The following SLC7A8 variants were observed in gnomAD, a reference collection of about 807,000 sequenced individuals.
SLC7A8 encodes the protein large neutral amino acids transporter small subunit 2.
A neutral mutation model predicts 51.2 loss-of-function variants in SLC7A8; 30 were observed. The ratio of observed to expected loss-of-function variants is 0.59; its 90% CI spans 0.44 to 0.80. SLC7A8 has a LOEUF of 0.80. SLC7A8 is among the 30% of genes least tolerant of loss of function. The pLI is 0.00. For synonymous variants in SLC7A8, 257 were observed against 275.8 expected (o/e 0.93, Z 0.67); for missense variants, 612 against 674.4 (o/e 0.91, Z 1.03).
In SLC7A8 at chr14:23,129,775, C is replaced by T. The variant is rs1197619215; in HGVS notation, c.1138G>A (p.Val380Ile). ...ATGAGTGTGTACATGTCGCTGGTGA[C>T]CAGCATCAGCAGGGTGGAGATGCAC... is the stretch of plus-strand genomic sequence containing the variant. Reference protein sequence around the residue: ...FTCISTLLMLVTSDMYTLINY... With the variant: ...FTCISTLLMLITSDMYTLINY... Residue 380 changes from valine to isoleucine, a missense_variant, in exon 9 of 11, where the codon GTC (valine) becomes ATC (isoleucine). Physicochemically the swap from Val to Ile is conservative, Grantham distance 29 (BLOSUM62 3). Transcript: ENST00000316902. The T allele has an allele frequency of 1.2e-6, 2 of 1,613,976 alleles. No homozygotes were observed. Among genetic ancestry groups the T allele is most frequent in the African/African-American group, 2.7e-5 (2 of 74,896 alleles).
At chr14:23,134,639 C>G (rs1423108949) in intron 7 of SLC7A8, among the ~76,000 whole-genome samples, 1 of 151,886 alleles carries the variant, frequency 6.6e-6, no homozygotes, top group African/African-American at 2.4e-5. Context: ...CTCACTGCAG[C>G]CTCCAATTCC....
intron 8 of SLC7A8, among the ~76,000 whole-genome samples, chr14:23,130,780 G>A (rs2048625348): frequency 6.6e-6 from 1 of 152,026 alleles, no homozygotes; most frequent in Non-Finnish European, 1.5e-5. Context: ...CTTCACCAGT[G>A]GACCAAAGTC....
intron 3 of SLC7A8, among the ~76,000 whole-genome samples, chr14:23,163,966 C>CTT (rs3216637): frequency 7.0e-6 from 1 of 143,272 alleles, no homozygotes; most frequent in Non-Finnish European, 1.5e-5. Flanking sequence ...TTTTTAATTT[C>CTT]TTTTTTTTTT....
intron 6 of SLC7A8, among the ~76,000 whole-genome samples, chr14:23,138,643 G>A (rs1412279886): frequency 2.0e-5 from 3 of 152,182 alleles, no homozygotes; most frequent in Non-Finnish European, 4.4e-5. Flanking sequence ...TCCTTAGTCT[G>A]AGAAAGAAAA....
intron 3 of SLC7A8, among the ~76,000 whole-genome samples, chr14:23,157,558 T>C (rs2048900527): frequency 6.6e-6 from 1 of 152,206 alleles, no homozygotes; most frequent in African/African-American, 2.4e-5. Context: ...GCTTCTATTA[T>C]ATATTTCTTG....
chr14:23,132,845 A>G (rs1316343440), intron 7 of SLC7A8, among the ~76,000 whole-genome samples: 1 of 152,048 alleles, frequency 6.6e-6, no homozygotes, highest in Non-Finnish European at 1.5e-5. Context: ...CATGTTGGTC[A>G]GGCTGGTCTC....
chr14:23,183,334 C>T lies in SLC7A8; in HGVS notation c.-420G>A, dbSNP rs1179790760. ...CCCTTCACCTCTCCCCCTAATAAAA[C>T]AGGAGACTGCCTTTACCTCCCCTTA... is the stretch of plus-strand genomic sequence containing the variant. On this transcript the variant is annotated 5_prime_UTR_variant, in exon 1 of 11. Transcript: ENST00000316902. The T allele has an allele frequency of 1.3e-5, 2 of 157,694 alleles. No individual in the cohort carries two copies. The highest frequency in any genetic ancestry group is 4.8e-5 in the African/African-American group (2 of 41,622). The allele number at this position is 157,694 out of a possible 1,614,324, so 9.8% of individuals were successfully genotyped here. A position where few individuals can be genotyped will look rare whatever the true frequency, so the allele number is the denominator to read the frequency against.
chr14:23,137,772 C>T (rs188258588), intron 7 of SLC7A8, 149 bp downstream of exon 7: 102 of 928,266 alleles, frequency 1.1e-4, no homozygotes, highest in African/African-American at 3.2e-4. Flanking sequence ...CTGACACACA[C>T]GCCCTCATGT....
intron 10 of SLC7A8, 71 bp downstream of exon 10, chr14:23,127,948 C>T (rs181074488): frequency 1.4e-6 from 2 of 1,440,606 alleles, no homozygotes; most frequent in African/African-American, 2.8e-5. Flanking sequence ...GGTGGCTCCC[C>T]AACCCCATCA....
Position 23,128,452 on chromosome 14 carries a change from G to C in SLC7A8, c.1264-256C>G. The C allele has an allele frequency of 7.9e-7, 1 of 1,268,470 alleles. No homozygotes were observed. Among genetic ancestry groups the C allele is most frequent in the Non-Finnish European group, 1.1e-6 (1 of 925,888 alleles). 78.6% of individuals were successfully genotyped at this position (1,268,470 alleles called of 1,614,324 possible). ...GGAGGAAACGATCCTCCTTGCCCAT[G>C]TCCTCGCTCTTGGGTGTGGTTAGAC... On this transcript the variant is annotated intron_variant, in intron 9 of 10. Coordinates refer to ENST00000316902, the MANE Select transcript of SLC7A8 (RefSeq NM_012244.4). This position sits in a 1 kb window ranked among gnomAD's most constrained non-coding sequence, Gnocchi z 4.3.
chr14:23,131,369 CA>C (rs1368969080), intron 8 of SLC7A8, 91 bp downstream of exon 8: 2 of 1,053,982 alleles, frequency 1.9e-6, no homozygotes, highest in Admixed American at 5.2e-5. Flanking sequence ...GCAAGGGTAA[CA>C]GGGGTGTGTG....
At chr14:23,137,428 G>C (rs754781613) in intron 7 of SLC7A8, among the ~76,000 whole-genome samples, 4 of 152,192 alleles carry the variant, frequency 2.6e-5, no homozygotes, top group Non-Finnish European at 5.9e-5. Flanking sequence ...GGCAATCAGG[G>C]TGAAGCCATC....
At chr14:23,152,087 G>T (rs1402638347) in intron 3 of SLC7A8, among the ~76,000 whole-genome samples, 3 of 151,950 alleles carry the variant, frequency 2.0e-5, no homozygotes, top group East Asian at 1.9e-4. Context: ...GAAAAAAAAA[G>T]CTCACTAAGA....
rs1332428970 is a variant in SLC7A8 at position 23,126,058 on chromosome 14, G to A, written c.*1119C>T. The A allele has an allele frequency of 6.5e-6, 1 of 152,768 alleles. No homozygotes were observed. Among genetic ancestry groups the A allele is most frequent in the Non-Finnish European group, 1.5e-5 (1 of 68,142 alleles). The allele number at this position is 152,768 out of a possible 1,614,324, so 9.5% of individuals were successfully genotyped here. A position where few individuals can be genotyped will look rare whatever the true frequency, so the allele number is the denominator to read the frequency against. Reference sequence around the variant, plus strand: ...GCCAATGCTCTCCTCAGTCTCCCAGGGTATGGAATGGGCACCTCTAGGGAG... The same window carrying A: ...GCCAATGCTCTCCTCAGTCTCCCAGAGTATGGAATGGGCACCTCTAGGGAG... On this transcript the variant is annotated 3_prime_UTR_variant, in exon 11 of 11. Coordinates refer to ENST00000316902, the MANE Select transcript of SLC7A8 (RefSeq NM_012244.4).
chr14:23,148,234 A>ATT (rs149374739), intron 3 of SLC7A8, among the ~76,000 whole-genome samples: 58 of 150,268 alleles, frequency 3.9e-4, no homozygotes, highest in South Asian at 8.4e-4. Flanking sequence ...TAAGTTAAGG[A>ATT]TTTTTTTTTT....
intron 3 of SLC7A8, among the ~76,000 whole-genome samples, chr14:23,154,991 CAACA>C (rs2048879859): frequency 1.6e-5 from 1 of 63,050 alleles, no homozygotes; most frequent in African/African-American, 5.2e-5. Context: ...AAAAGCCACA[CAACA>C]GACAAAAAAA....
intron 7 of SLC7A8, among the ~76,000 whole-genome samples, chr14:23,136,531 C>T (rs2048691757): frequency 6.6e-6 from 1 of 152,138 alleles, no homozygotes; most frequent in South Asian, 2.1e-4. Flanking sequence ...TCATCCTCTC[C>T]CTACCCGAGA....
At chr14:23,176,839 G>A (rs749435248) in intron 1 of SLC7A8, among the ~76,000 whole-genome samples, 4 of 151,682 alleles carry the variant, frequency 2.6e-5, no homozygotes, top group Non-Finnish European at 4.4e-5. Flanking sequence ...CTACTCAGGA[G>A]GCTGAGGCAG....
chr14:23,143,050 G>A (rs759606558), intron 4 of SLC7A8, 29 bp downstream of exon 4: 1 of 1,612,644 alleles, frequency 6.2e-7, no homozygotes, highest in East Asian at 2.2e-5. Context: ...GGAAAGCTGG[G>A]CAGTACCTGT....
Sources: gnomAD v4.1 joint callset for allele counts (sites outside exome capture counted in the v4.1 genomes callset) on GRCh38, gnomAD v4.1.1 for gene constraint, Gnocchi (gnomAD v3.1) non-coding constraint, MANE v1.5 for transcripts, NCBI Gene and HGNC (gene_info 2026-07-23, HGNC 2026-07-21) for gene names.